Variants in LRRC49 observed in about 807,000 individuals in gnomAD.
The protein encoded by LRRC49 is leucine-rich repeat-containing protein 49.
A neutral mutation model predicts 83.3 loss-of-function variants in LRRC49; 50 were observed. That is an observed-to-expected ratio of 0.60 (90% CI 0.48 to 0.76). The LOEUF (loss-of-function observed/expected upper bound fraction) is 0.76. LRRC49 is among the 30% of genes least tolerant of loss of function. LRRC49 has a pLI of 0.00. For missense variants in LRRC49, 704 were observed against 809.1 expected (o/e 0.87, Z 1.58); for synonymous variants, 286 against 283.3 (o/e 1.01, Z -0.10).
At chr15:70,981,460 G>A (rs551178546) in intron 10 of LRRC49, among the ~76,000 whole-genome samples, 14 of 151,010 alleles carry the variant, frequency 9.3e-5, no homozygotes, top group Middle Eastern at 6.8e-3. Context: ...AAACCTGCAC[G>A]TTCTGCATAT....
intron 9 of LRRC49, among the ~76,000 whole-genome samples, chr15:70,976,583 C>T (rs1596088311): frequency 6.6e-6 from 1 of 152,124 alleles, no homozygotes; most frequent in Non-Finnish European, 1.5e-5. Flanking sequence ...TATCAAACAC[C>T]TATTAAATCA....
chr15:70,991,517 A>G (rs1456674817), intron 11 of LRRC49, among the ~76,000 whole-genome samples: 7 of 152,194 alleles, frequency 4.6e-5, no homozygotes, highest in African/African-American at 1.7e-4. Flanking sequence ...GTGCCTACAC[A>G]TCACTCCATT....
At chr15:70,948,113 T>C (rs2036075316) in intron 8 of LRRC49, among the ~76,000 whole-genome samples, 2 of 151,606 alleles carry the variant, frequency 1.3e-5, no homozygotes, top group African/African-American at 4.8e-5. Context: ...TGTATGTGTG[T>C]GCACACGTGT....
intron 13 of LRRC49, among the ~76,000 whole-genome samples, chr15:71,010,741 A>G (rs568292521): frequency 1.3e-5 from 2 of 152,144 alleles, no homozygotes; most frequent in East Asian, 3.9e-4. Context: ...TTCTTTTAAA[A>G]TATTAATTTG....
At chr15:70,950,186 A>T (rs576056170) in intron 8 of LRRC49, among the ~76,000 whole-genome samples, 1 of 152,296 alleles carries the variant, frequency 6.6e-6, no homozygotes, top group African/African-American at 2.4e-5. Context: ...TATATGTACC[A>T]CATTTTCTTT....
intron 1 of LRRC49, among the ~76,000 whole-genome samples, chr15:70,855,282 C>G (rs1169293887): frequency 6.6e-6 from 1 of 150,872 alleles, no homozygotes; most frequent in South Asian, 2.1e-4. Context: ...TTGTGGTGAG[C>G]CGAGATTGTG....
chr15:70,951,712 C>G (rs891601110), intron 8 of LRRC49, among the ~76,000 whole-genome samples: 4 of 152,060 alleles, frequency 2.6e-5, no homozygotes, highest in Admixed American at 2.0e-4. Context: ...TGCAGATAGA[C>G]AGTTTAGCTT....
chr15:70,939,178 G>A (rs2035711680), intron 8 of LRRC49, among the ~76,000 whole-genome samples: 1 of 152,024 alleles, frequency 6.6e-6, no homozygotes, highest in Admixed American at 6.6e-5. Context: ...AGAGTTTATT[G>A]TACTTTCATT....
At position 71,049,475 on chromosome 15, in the gene LRRC49, A is replaced by T; in HGVS notation, c.1924A>T (p.Ile642Phe). Residue 642 changes from isoleucine to phenylalanine, a missense_variant, in exon 16 of 16, where the codon ATC becomes TTC. This residue lies in a region of LRRC49 where 275 missense variants were observed against 338.0 expected (regional missense o/e 0.81). Transcript: ENST00000260382. ...AGACCTTGTGAAGGAAGCCACAGAA[A>T]TCAACATGAAAAATGAGGCTTTGCA... ...IEDLVKEATE[I>F]NMKNEALQKL... The T allele has an allele frequency of 6.2e-7, 1 of 1,613,820 alleles. No homozygotes were observed. Among genetic ancestry groups the T allele is most frequent in the Non-Finnish European group, 8.5e-7 (1 of 1,179,704 alleles).
chr15:70,880,325 T>C (rs549737479), intron 2 of LRRC49, among the ~76,000 whole-genome samples: 7 of 152,354 alleles, frequency 4.6e-5, no homozygotes, highest in African/African-American at 1.7e-4. Context: ...TTCATTTTCT[T>C]GTTAATTGTC....
intron 8 of LRRC49, among the ~76,000 whole-genome samples, chr15:70,944,960 ACTCTTCAT>A (rs771385060): frequency 6.6e-6 from 1 of 151,952 alleles, no homozygotes; most frequent in Non-Finnish European, 1.5e-5. Context: ...ACCCATAGAT[ACTCTTCAT>A]CTCACAGCCC....
At chr15:71,022,466 A>G (rs764163063) in intron 14 of LRRC49, among the ~76,000 whole-genome samples, 1 of 152,248 alleles carries the variant, frequency 6.6e-6, no homozygotes, top group Non-Finnish European at 1.5e-5. Context: ...TACATCTGAC[A>G]TATGTTTACA....
intron 8 of LRRC49, among the ~76,000 whole-genome samples, chr15:70,952,361 G>A (rs2036249619): frequency 6.6e-6 from 1 of 151,902 alleles, no homozygotes; most frequent in Admixed American, 6.6e-5. Context: ...TGTATATCTG[G>A]TAGAATTCAA....
In LRRC49 at chr15:70,944,005, T is replaced by C. The variant is rs146498885; in HGVS notation, c.773+7183T>C. On this transcript the variant is annotated intron_variant, in intron 8 of 15. Coordinates refer to ENST00000260382, the MANE Select transcript of LRRC49 (RefSeq NM_017691.5). The stretch of plus-strand genomic sequence containing the variant: ...ATTTTTTTTGTTACGACAGTAAACA[T>C]AAGATTTGTGTATCTGAGGCAGACT... 1.9e-3 allele frequency among the ~76,000 whole-genome samples: 287 copies of C among 152,310 alleles called. 1 individual carries two copies. Among genetic ancestry groups the C allele is most frequent in the African/African-American group, 6.7e-3 (278 of 41,574 alleles).
At chr15:70,862,142 G>C (rs1188117726) in intron 1 of LRRC49, among the ~76,000 whole-genome samples, 6 of 152,158 alleles carry the variant, frequency 3.9e-5, no homozygotes, top group African/African-American at 1.4e-4. Flanking sequence ...CCTGAAGGGC[G>C]AGCCCACCCT....
chr15:70,858,872 G>T, intron 1 of LRRC49: 1 of 762,140 alleles, frequency 1.3e-6, no homozygotes, highest in Non-Finnish European at 2.4e-6. Flanking sequence ...GGTGGAGGCT[G>T]GGTGGTGGGG....
At chr15:70,858,673 C>G in intron 1 of LRRC49, 1 of 583,578 alleles carries the variant, frequency 1.7e-6, no homozygotes, top group South Asian at 2.6e-5. Context: ...CTGGAATCTC[C>G]GCCTGGTTCA....
intron 7 of LRRC49, among the ~76,000 whole-genome samples, chr15:70,925,038 AT>A (rs2141140311): frequency 6.6e-6 from 1 of 152,088 alleles, no homozygotes; most frequent in Non-Finnish European, 1.5e-5. Flanking sequence ...GAACTATCTT[AT>A]TTTATTAATT....
intron 7 of LRRC49, among the ~76,000 whole-genome samples, chr15:70,928,624 A>G (rs901081649): frequency 6.6e-6 from 1 of 151,492 alleles, no homozygotes; most frequent in South Asian, 2.1e-4. Flanking sequence ...CTGGAGTGCA[A>G]TTGCAGTCTT....
Sources: allele counts gnomAD v4.1 joint callset (sites outside exome capture counted in the v4.1 genomes callset), GRCh38; gene constraint gnomAD v4.1.1; regional missense constraint gnomAD v4.1.1; transcripts MANE v1.5; gene names NCBI Gene and HGNC (gene_info 2026-07-23, HGNC 2026-07-21).